STARD13: variants seen among roughly 807,000 people sequenced by gnomAD.
The protein encoded by STARD13 is StAR related lipid transfer domain containing 13.
Under a neutral mutation model 106.4 loss-of-function variants are expected in STARD13, and 62 were observed. The ratio of observed to expected loss-of-function variants is 0.58; its 90% CI spans 0.48 to 0.72. The LOEUF (loss-of-function observed/expected upper bound fraction) is 0.72, where lower values mean the gene tolerates loss of function less well. Among genes scored for constraint, STARD13 ranks in the 30% least tolerant of loss-of-function variants. STARD13 has a pLI of 0.00. For missense variants in STARD13, 1,387 were observed against 1,424.0 expected, an observed-to-expected ratio of 0.97 and a Z score of 0.42; for synonymous variants, 565 against 553.0, an observed-to-expected ratio of 1.02 and a Z score of -0.31.
At chr13:33,268,400 C>T (rs868733453) in intron 1 of STARD13, among the ~76,000 whole-genome samples, 2 of 152,162 alleles carry the variant, frequency 1.3e-5, no homozygotes, top group Non-Finnish European at 2.9e-5. Flanking sequence ...CAGAACTGGC[C>T]GTGTTGCTGA....
chr13:33,378,351 C>G, the STARD13 span, among the ~76,000 whole-genome samples: 4 of 152,174 alleles, frequency 2.6e-5, no homozygotes, highest in Non-Finnish European at 5.9e-5. Context: ...TCTCCCTGTC[C>G]TCATGCCCTT....
At chr13:33,464,045 A>ATATATATATATATATATATATG in the STARD13 span, among the ~76,000 whole-genome samples, 1 of 147,078 alleles carries the variant, frequency 6.8e-6, no homozygotes, top group Non-Finnish European at 1.5e-5. Flanking sequence ...ATATATATGT[A>ATATATATATATATATATATATG]TATGTATATG....
At chr13:33,643,941 C>A in the STARD13 span, among the ~76,000 whole-genome samples, 31 of 152,320 alleles carry the variant, frequency 2.0e-4, no homozygotes, top group South Asian at 6.2e-3. Flanking sequence ...GCAAGGGCTG[C>A]AGGTAGGAGA....
chr13:33,288,059 C>T (rs1043460456), upstream of STARD13, among the ~76,000 whole-genome samples: 1 of 151,808 alleles, frequency 6.6e-6, no homozygotes, highest in Non-Finnish European at 1.5e-5. Context: ...AATGATTCTT[C>T]CTGAGAAGGA....
chr13:33,257,371 A>G (rs1452652841), intron 1 of STARD13, among the ~76,000 whole-genome samples: 1 of 152,240 alleles, frequency 6.6e-6, no homozygotes, highest in African/African-American at 2.4e-5. Flanking sequence ...AGAAGGGGTC[A>G]GCAACTTTGC....
chr13:33,630,662 T>C, the STARD13 span, among the ~76,000 whole-genome samples: 1 of 152,314 alleles, frequency 6.6e-6, no homozygotes, highest in East Asian at 1.9e-4. Context: ...GGAAGAATTT[T>C]TGTAAAGACC....
At chr13:33,468,086 C>T in the STARD13 span, among the ~76,000 whole-genome samples, 1 of 152,286 alleles carries the variant, frequency 6.6e-6, no homozygotes, top group African/African-American at 2.4e-5. Context: ...AGGCTACTAC[C>T]ATCCTGAACT....
the STARD13 span, among the ~76,000 whole-genome samples, chr13:33,359,122 G>C: frequency 6.6e-6 from 1 of 150,458 alleles, no homozygotes; most frequent in East Asian, 2.0e-4. Context: ...ACCCGCTCAG[G>C]TTGCCTTCCA....
the STARD13 span, among the ~76,000 whole-genome samples, chr13:33,631,352 C>T: frequency 6.6e-6 from 1 of 152,196 alleles, no homozygotes. Context: ...TGAACTAAAA[C>T]CAAAATTGTC....
chr13:33,181,074 A>C (rs1885181840), intron 1 of STARD13, among the ~76,000 whole-genome samples: 1 of 152,162 alleles, frequency 6.6e-6, no homozygotes, highest in African/African-American at 2.4e-5. Context: ...CTGAGGTTAC[A>C]CAGCTTTCCT....
At chr13:33,614,860 A>G in the STARD13 span, among the ~76,000 whole-genome samples, 1 of 151,966 alleles carries the variant, frequency 6.6e-6, no homozygotes, top group Admixed American at 6.6e-5. Flanking sequence ...GGGAAAGAAG[A>G]TAGGATTCTC....
At chr13:33,161,590 C>T (rs984375029) in intron 3 of STARD13, among the ~76,000 whole-genome samples, 1 of 152,302 alleles carries the variant, frequency 6.6e-6, no homozygotes, top group Non-Finnish European at 1.5e-5. Flanking sequence ...GCTGGGATTA[C>T]AGGCATGAGC....
chr13:33,519,381 C>A, the STARD13 span, among the ~76,000 whole-genome samples: 1 of 146,928 alleles, frequency 6.8e-6, no homozygotes, highest in African/African-American at 2.5e-5. Flanking sequence ...AAGATGGAAC[C>A]CCATCACCAT....
chr13:33,653,840 G>A, the STARD13 span, among the ~76,000 whole-genome samples: 1 of 152,150 alleles, frequency 6.6e-6, no homozygotes, highest in Non-Finnish European at 1.5e-5. Context: ...ACAAAGGGAT[G>A]AGTAACGCAA....
the STARD13 span, among the ~76,000 whole-genome samples, chr13:33,434,080 C>CT: frequency 6.6e-6 from 1 of 152,128 alleles, no homozygotes; most frequent in Non-Finnish European, 1.5e-5. Flanking sequence ...AGGCCAGGCG[C>CT]TGTGGCTCAC....
chr13:33,229,594 C>T (rs927073792), intron 1 of STARD13, among the ~76,000 whole-genome samples: 1 of 152,208 alleles, frequency 6.6e-6, no homozygotes, highest in East Asian at 1.9e-4. Flanking sequence ...CATGGACACG[C>T]GAGTGCACGC....
chr13:33,273,040 T>C (rs1036433497), intron 1 of STARD13: 3 of 152,230 alleles, frequency 2.0e-5, no homozygotes, highest in East Asian at 1.9e-4. Context: ...TCTCCACTTA[T>C]TGATAGCGCC....
At chr13:33,429,932 G>C in the STARD13 span, among the ~76,000 whole-genome samples, 75 of 149,866 alleles carry the variant, frequency 5.0e-4, 2 homozygotes, top group East Asian at 0.011. Context: ...TTTTTTGGGG[G>C]GGGGGGACGG....
chr13:33,621,821 T>C, the STARD13 span, among the ~76,000 whole-genome samples: 984 of 152,020 alleles, frequency 6.5e-3, 4 homozygotes, highest in African/African-American at 0.022. Flanking sequence ...TCTTTTTTTT[T>C]TGGACGAAGT....
Sources: allele counts gnomAD v4.1 joint callset (sites outside exome capture counted in the v4.1 genomes callset), GRCh38; gene constraint gnomAD v4.1.1; transcripts MANE v1.5; gene names NCBI Gene and HGNC (gene_info 2026-07-23, HGNC 2026-07-21).